Variants in RBFOX1 observed in about 807,000 individuals in gnomAD.
RBFOX1 encodes the protein RNA binding fox-1 homolog 1.
RBFOX1 carries 8 observed loss-of-function variants against 57.7 expected under a neutral mutation model. The ratio of observed to expected loss-of-function variants is 0.14; its 90% CI spans 0.08 to 0.25. RBFOX1 has a LOEUF of 0.25. RBFOX1 is among the 10% of genes least tolerant of loss of function. RBFOX1 has a pLI of 1.00. For synonymous variants in RBFOX1, 326 were observed against 222.4 expected (o/e 1.47, Z -4.15); for missense variants, 611 against 548.5 (o/e 1.11, Z -1.14).
rs147240930 is a variant in RBFOX1, at chr16:6,476,955, C to A, written c.-64+159898C>A. 1.2e-3 allele frequency among the ~76,000 whole-genome samples: 188 copies of A among 152,282 alleles called. 1 individual carries two copies. The highest frequency in any genetic ancestry group is 4.3e-3 in the African/African-American group (178 of 41,546). ...TAGATGTAGATTCCATCTCAAGGAA[C>A]CACTTTTTCTGCTGATCCATAAGAA... is the stretch of plus-strand genomic sequence containing the variant. On this transcript the variant is annotated intron_variant, in intron 2 of 15. Transcript: ENST00000550418.
intron 1 of RBFOX1, among the ~76,000 whole-genome samples, chr16:6,203,402 C>G (rs1289566710): frequency 6.6e-6 from 1 of 152,090 alleles, no homozygotes; most frequent in African/African-American, 2.4e-5. Context: ...TGGGTCTGTC[C>G]AAGTAAATCC....
chr16:7,253,280 A>C (rs1180262378), intron 4 of RBFOX1, among the ~76,000 whole-genome samples: 2 of 152,184 alleles, frequency 1.3e-5, no homozygotes, highest in Non-Finnish European at 2.9e-5. Context: ...TCATTCTGTC[A>C]GTTCTGTGGA....
At chr16:6,912,877 C>T (rs1450372217) in intron 3 of RBFOX1, among the ~76,000 whole-genome samples, 2 of 152,134 alleles carry the variant, frequency 1.3e-5, no homozygotes, top group Admixed American at 6.5e-5. Context: ...GCCTTGACCT[C>T]CCAAAGTGCT....
chr16:7,063,133 A>G (rs78165933), intron 4 of RBFOX1, among the ~76,000 whole-genome samples: 7,773 of 151,920 alleles, frequency 0.051, 348 homozygotes, highest in East Asian at 0.2. Context: ...AGCTAAGAGA[A>G]AGGAGCTCTT....
At chr16:7,082,983 A>G (rs1018086252) in intron 4 of RBFOX1, among the ~76,000 whole-genome samples, 2 of 152,140 alleles carry the variant, frequency 1.3e-5, no homozygotes, top group Non-Finnish European at 2.9e-5. Flanking sequence ...AAATATGGAA[A>G]AAAATGGTTT....
At chr16:5,258,980 C>T (rs905847390) in intron 1 of RBFOX1, among the ~76,000 whole-genome samples, 2 of 152,052 alleles carry the variant, frequency 1.3e-5, no homozygotes, top group African/African-American at 4.8e-5. Context: ...CATCTGGCCC[C>T]TGCTCCTTAA....
intron 3 of RBFOX1, among the ~76,000 whole-genome samples, chr16:5,847,336 G>A (rs1007885447): frequency 2.7e-5 from 4 of 146,414 alleles, no homozygotes; most frequent in Non-Finnish European, 4.5e-5. Context: ...GAACTTCTTA[G>A]CCTCAGTTTC....
intron 4 of RBFOX1, among the ~76,000 whole-genome samples, chr16:5,925,216 A>G (rs969163161): frequency 6.6e-6 from 1 of 152,214 alleles, no homozygotes; most frequent in Non-Finnish European, 1.5e-5. Flanking sequence ...ACAAATGCTT[A>G]TAGCTGTACC....
At chr16:5,951,463 G>T (rs181737598) in intron 4 of RBFOX1, among the ~76,000 whole-genome samples, 1 of 152,016 alleles carries the variant, frequency 6.6e-6, no homozygotes, top group East Asian at 1.9e-4. Flanking sequence ...ATATGTGTGT[G>T]TGTGTATGTG....
intron 3 of RBFOX1, among the ~76,000 whole-genome samples, chr16:5,679,619 C>T (rs1198248104): frequency 5.3e-5 from 8 of 152,226 alleles, no homozygotes; most frequent in African/African-American, 1.9e-4. Flanking sequence ...TTTTCTGTTC[C>T]TGTGTTAGTT....
intron 4 of RBFOX1, among the ~76,000 whole-genome samples, chr16:7,058,006 GA>G (rs61023664): frequency 0.022 from 3,059 of 136,626 alleles, 104 homozygotes; most frequent in African/African-American, 0.077. Context: ...AGACTGTGGG[GA>G]AAAAAAAAAA....
intron 4 of RBFOX1, among the ~76,000 whole-genome samples, chr16:7,398,040 C>G (rs961052846): frequency 2.6e-5 from 4 of 151,900 alleles, no homozygotes; most frequent in Non-Finnish European, 5.9e-5. Context: ...CTCAGAGCAA[C>G]TGTTTGGTGA....
chr16:7,419,410 G>A (rs897282742), intron 4 of RBFOX1, among the ~76,000 whole-genome samples: 2 of 152,210 alleles, frequency 1.3e-5, no homozygotes, highest in Admixed American at 1.3e-4. Context: ...GCTTGTGAAT[G>A]CAGAGGGGCC....
chr16:6,198,329 A>G (rs1350659181), intron 1 of RBFOX1, among the ~76,000 whole-genome samples: 1 of 152,226 alleles, frequency 6.6e-6, no homozygotes, highest in Non-Finnish European at 1.5e-5. Context: ...ATGACAAGAT[A>G]CATTCAAGGG....
intron 3 of RBFOX1, among the ~76,000 whole-genome samples, chr16:5,662,754 C>T (rs917414155): frequency 1.1e-4 from 17 of 152,310 alleles, no homozygotes; most frequent in African/African-American, 3.9e-4. Context: ...AGTTCCAGTG[C>T]TAGTTGAAAC....
chr16:6,611,890 G>A (rs2098062298), intron 2 of RBFOX1, among the ~76,000 whole-genome samples: 1 of 152,162 alleles, frequency 6.6e-6, no homozygotes, highest in East Asian at 1.9e-4. Context: ...TCTGGTCTCT[G>A]AAGACACCTC....
intron 4 of RBFOX1, among the ~76,000 whole-genome samples, chr16:7,316,586 T>C (rs1454447135): frequency 6.6e-6 from 1 of 152,178 alleles, no homozygotes; most frequent in Non-Finnish European, 1.5e-5. Flanking sequence ...TACAAGTCTG[T>C]GGGAGAGAGA....
At chr16:7,369,496 C>G (rs968888668) in intron 4 of RBFOX1, among the ~76,000 whole-genome samples, 1 of 152,056 alleles carries the variant, frequency 6.6e-6, no homozygotes, top group African/African-American at 2.4e-5. Flanking sequence ...TTAATAACTC[C>G]CTGCATTTGC....
intron 4 of RBFOX1, among the ~76,000 whole-genome samples, chr16:5,987,812 A>G (rs551150209): frequency 3.5e-4 from 54 of 152,206 alleles, no homozygotes; most frequent in Non-Finnish European, 6.8e-4. Context: ...ACTGAAAACT[A>G]TAGCTAATTT....
Sources: allele counts gnomAD v4.1 joint callset (sites outside exome capture counted in the v4.1 genomes callset), GRCh38; gene constraint gnomAD v4.1.1; transcripts MANE v1.5; gene names NCBI Gene and HGNC (gene_info 2026-07-23, HGNC 2026-07-21).